The following AKR1A1 variants were observed in gnomAD, a reference collection of about 807,000 sequenced individuals.
AKR1A1 encodes HEL-S-165mP.
A neutral mutation model predicts 39.2 loss-of-function variants in AKR1A1; 26 were observed. The ratio of observed to expected loss-of-function variants is 0.66; its 90% confidence interval spans 0.49 to 0.92. The LOEUF (loss-of-function observed/expected upper bound fraction) is 0.92. AKR1A1 is among the 40% of genes least tolerant of loss of function. AKR1A1 has a pLI of 0.00. For missense variants in AKR1A1, 378 were observed against 406.5 expected, an observed-to-expected ratio of 0.93 and a Z score of 0.60; for synonymous variants, 141 against 155.5, an observed-to-expected ratio of 0.91 and a Z score of 0.69.
Position 45,561,955 on chromosome 1 carries a change from C to G in AKR1A1, c.84+77C>G, listed in dbSNP as rs1644283483. Reference sequence around the variant, plus strand: ...TCCTAGCAGCCCCACCCCCATACTCCCCTTCCAGCGGGGATGAGCCAGTGG... The same window carrying G: ...TCCTAGCAGCCCCACCCCCATACTCGCCTTCCAGCGGGGATGAGCCAGTGG... On this transcript the variant is annotated intron_variant, in intron 2 of 8. Transcript: ENST00000351829. 9 of 1,425,612 alleles carry G rather than the reference C, an allele frequency of 6.3e-6. No homozygotes were observed. The South Asian group carries it at 1.0e-4, about 16-fold the overall frequency. 88.3% of individuals were successfully genotyped at this position (1,425,612 alleles called of 1,614,324 possible). A position where few individuals can be genotyped will look rare whatever the true frequency, so the allele number is the denominator to read the frequency against.
At position 45,566,985 on chromosome 1, in the gene AKR1A1, G is replaced by C. The variant is rs1299910658; in HGVS notation, c.321G>C (p.Leu107=). Residue 107 remains leucine, a synonymous_variant, in exon 4 of 9, where the codon CTG becomes CTC. Transcript: ENST00000351829. ...KTLADLQLEY[L]DLYLMHWPYA... ...TGGCTGACCTCCAGCTGGAGTATCTGGACCTGTACCTGATGCACTGGCCTT... is the reference window on the plus strand; with the variant it reads ...TGGCTGACCTCCAGCTGGAGTATCTCGACCTGTACCTGATGCACTGGCCTT... The C allele has an allele frequency of 1.2e-6, 2 of 1,614,106 alleles. No homozygotes were observed. The highest frequency in any genetic ancestry group is 2.7e-5 in the African/African-American group (2 of 74,952).
chr1:45,565,482 G>GT (rs974915150), intron 2 of AKR1A1, among the ~76,000 whole-genome samples: 20 of 150,196 alleles, frequency 1.3e-4, no homozygotes, highest in African/African-American at 3.2e-4. Flanking sequence ...TTTTTTTTGT[G>GT]TTTTTTTGAG....
At chr1:45,558,582 G>T (rs1403786976) in intron 1 of AKR1A1, among the ~76,000 whole-genome samples, 2 of 151,164 alleles carry the variant, frequency 1.3e-5, no homozygotes, top group South Asian at 2.1e-4. Flanking sequence ...GTATTTTTAG[G>T]AGAGACGGGG....
At chr1:45,568,904 ATC>A in intron 6 of AKR1A1, 21 bp from the exon 7 acceptor site, 1 of 1,613,128 alleles carries the variant, frequency 6.2e-7, no homozygotes, top group Non-Finnish European at 8.5e-7. Context: ...CCTTTTCCTC[ATC>A]TGTCTAATCC....
intron 2 of AKR1A1, among the ~76,000 whole-genome samples, chr1:45,565,313 A>T (rs1322904207): frequency 2.7e-5 from 4 of 150,412 alleles, no homozygotes; most frequent in African/African-American, 9.8e-5. Flanking sequence ...TATTTTTAGT[A>T]GAGACGGGGT....
At chr1:45,560,262 A>G (rs2148296083) in intron 1 of AKR1A1, among the ~76,000 whole-genome samples, 1 of 152,242 alleles carries the variant, frequency 6.6e-6, no homozygotes, top group Admixed American at 6.5e-5. Flanking sequence ...CTTGTATTAC[A>G]GGTGTGAGGC....
chr1:45,556,341 G>GGGA (rs1644202525), intron 1 of AKR1A1, among the ~76,000 whole-genome samples: 1 of 152,088 alleles, frequency 6.6e-6, no homozygotes, highest in African/African-American at 2.4e-5. Context: ...CCAGCACATT[G>GGGA]GGCCGAGGTG....
At position 45,568,657 on chromosome 1, in the gene AKR1A1, G is replaced by A. The variant is rs139281543; in HGVS notation, c.725G>A (p.Gly242Asp). 142 of 1,613,686 alleles carry A rather than the reference G, an allele frequency of 8.8e-5. No homozygotes were observed. In the African/African-American group the frequency reaches 1.6e-3, roughly 18 times the overall value. The stretch of plus-strand genomic sequence containing the variant: ...GTCCTGGCATTGGCTGAAAAGTATG[G>A]CCGATCTCCAGCTCAGATCTTGCTC... ...PVVLALAEKY[G>D]RSPAQILLRW... is the part of the protein sequence containing the mutation. The change falls in exon 6 of 9, where the codon GGC (glycine) becomes GAC (aspartate). Residue 242 changes from glycine to aspartate, a missense_variant. Physicochemically the swap from Gly to Asp is moderately conservative, Grantham distance 94. Coordinates refer to ENST00000351829, the MANE Select transcript of AKR1A1 (RefSeq NM_153326.3).
At chr1:45,553,304 C>T (rs1195345797) in intron 1 of AKR1A1, among the ~76,000 whole-genome samples, 1 of 151,704 alleles carries the variant, frequency 6.6e-6, no homozygotes, top group Non-Finnish European at 1.5e-5. Flanking sequence ...CGCCTGTAGT[C>T]CCAACTACTG....
chr1:45,556,053 G>A (rs997617034), intron 1 of AKR1A1, among the ~76,000 whole-genome samples: 1 of 152,120 alleles, frequency 6.6e-6, no homozygotes, highest in African/African-American at 2.4e-5. Flanking sequence ...AGCATATGTG[G>A]GAGCCAGAGG....
chr1:45,554,959 G>C (rs1258003289), intron 1 of AKR1A1, among the ~76,000 whole-genome samples: 1 of 152,078 alleles, frequency 6.6e-6, no homozygotes, highest in Non-Finnish European at 1.5e-5. Flanking sequence ...CCAAAGTGCT[G>C]GGATTAACAG....
rs1557636991 is a variant in AKR1A1, at chr1:45,567,969, G to C, written c.357-13G>C. On this transcript the variant is annotated splice_polypyrimidine_tract_variant and intron_variant, in intron 4 of 8. Transcript: ENST00000351829. ...ATTTGTGTCCACACTTGGTGGGGCT[G>C]TCTCTCACTCAGGCGGGGAGACAAC... 6.2e-7 allele frequency: 1 copy of C among 1,602,686 alleles called. No individual in the cohort carries two copies. Among genetic ancestry groups the C allele is most frequent in the South Asian group, 1.1e-5 (1 of 89,942 alleles).
At chr1:45,561,989 A>C in intron 2 of AKR1A1, 111 bp downstream of exon 2, 1 of 1,051,576 alleles carries the variant, frequency 9.5e-7, no homozygotes, top group East Asian at 2.5e-5. Context: ...GGGAAGAGAT[A>C]AGAGAAGACA....
At chr1:45,558,458 G>T (rs1644236769) in intron 1 of AKR1A1, among the ~76,000 whole-genome samples, 1 of 149,712 alleles carries the variant, frequency 6.7e-6, no homozygotes, top group Non-Finnish European at 1.5e-5. Flanking sequence ...GAGTGCAGTG[G>T]CTCAATCTCG....
At chr1:45,567,208 T>C (rs947270747) in intron 4 of AKR1A1, 188 bp downstream of exon 4, 13 of 761,108 alleles carry the variant, frequency 1.7e-5, no homozygotes, top group Non-Finnish European at 2.6e-5. Context: ...AGTTTAACTC[T>C]GGAAAAAGGA....
At chr1:45,567,840 A>AG (rs1307845851) in intron 4 of AKR1A1, 142 bp from the exon 5 acceptor site, 11 of 808,052 alleles carry the variant, frequency 1.4e-5, no homozygotes, top group African/African-American at 3.5e-5. Flanking sequence ...AAAAAAAAAA[A>AG]AGAAAAAGCA....
chr1:45,554,255 T>C (rs964444306), intron 1 of AKR1A1, among the ~76,000 whole-genome samples: 2 of 152,124 alleles, frequency 1.3e-5, no homozygotes, highest in Non-Finnish European at 2.9e-5. Flanking sequence ...GGAGAAACCC[T>C]GTCTCTACGA....
Position 45,558,543 on chromosome 1 carries a change from G to A in AKR1A1, c.-6-3246G>A, listed in dbSNP as rs112644458. On this transcript the variant is annotated intron_variant, in intron 1 of 8. Transcript: ENST00000351829. The stretch of plus-strand genomic sequence containing the variant: ...GCCTTCTGAGTATCTGGGACCACAG[G>A]CATGTGCCACCATGCCCGGCTAATT... Among the ~76,000 whole-genome samples the A allele has an allele frequency of 3.6e-3, 548 of 151,940 alleles. 3 individuals are homozygous for A. The highest frequency in any genetic ancestry group is 0.013 in the African/African-American group (518 of 41,430).
intron 2 of AKR1A1, among the ~76,000 whole-genome samples, chr1:45,564,768 G>GA (rs566425146): frequency 2.7e-4 from 40 of 147,314 alleles, no homozygotes; most frequent in South Asian, 1.1e-3. Context: ...TCTTCTGATT[G>GA]AAAAAAAAAA....
Sources: allele counts gnomAD v4.1 joint callset (sites outside exome capture counted in the v4.1 genomes callset), GRCh38; gene constraint gnomAD v4.1.1; transcripts MANE v1.5; gene names NCBI Gene and HGNC (gene_info 2026-07-23, HGNC 2026-07-21).